The following LRRC72 variants were observed in gnomAD, a reference collection of about 807,000 sequenced individuals.
LRRC72 encodes leucine-rich repeat-containing protein 72.
A neutral mutation model predicts 35.8 loss-of-function variants in LRRC72; 41 were observed. The ratio of observed to expected loss-of-function variants is 1.15; its 90% CI spans 0.89 to 1.49. The LOEUF is 1.49. Ranked by LOEUF, LRRC72 falls within the 40% of genes most tolerant of loss-of-function variation. The pLI, the probability that LRRC72 is intolerant of heterozygous loss-of-function variation, is 0.00. For synonymous variants in LRRC72, 118 were observed against 119.2 expected (o/e 0.99, Z 0.07); for missense variants, 389 against 330.7 (o/e 1.18, Z -1.37).
At chr7:16,577,286 CAT>C (rs1422797977) in intron 7 of LRRC72, among the ~76,000 whole-genome samples, 4 of 152,148 alleles carry the variant, frequency 2.6e-5, no homozygotes, top group South Asian at 2.1e-4. Context: ...GCACAGAAAA[CAT>C]TTACTGAGGC....
chr7:16,529,042 T>C (rs1229941673), intron 1 of LRRC72, among the ~76,000 whole-genome samples: 1 of 152,208 alleles, frequency 6.6e-6, no homozygotes, highest in Non-Finnish European at 1.5e-5. Flanking sequence ...ATATATCATA[T>C]AAAATTAAAT....
intron 5 of LRRC72, among the ~76,000 whole-genome samples, chr7:16,565,369 G>T (rs1782811073): frequency 6.6e-6 from 1 of 150,966 alleles, no homozygotes; most frequent in Admixed American, 6.6e-5. Flanking sequence ...GGAGGCAGAG[G>T]TTGCAGTGAG....
chr7:16,548,619 C>T (rs1300446596), intron 3 of LRRC72, among the ~76,000 whole-genome samples: 2 of 152,244 alleles, frequency 1.3e-5, no homozygotes, highest in Non-Finnish European at 2.9e-5. Context: ...AACTGCCTGT[C>T]CTGCCACAGC....
At chr7:16,580,446 C>A (rs910060584) in intron 8 of LRRC72, among the ~76,000 whole-genome samples, 7 of 152,126 alleles carry the variant, frequency 4.6e-5, no homozygotes, top group African/African-American at 1.7e-4. Context: ...AGTTCGAGAC[C>A]AGCCTGGCAA....
At chr7:16,548,982 T>C (rs1231493166) in intron 3 of LRRC72, among the ~76,000 whole-genome samples, 1 of 152,244 alleles carries the variant, frequency 6.6e-6, no homozygotes, top group African/African-American at 2.4e-5. Flanking sequence ...ATTTTCTTCA[T>C]GGCTGTTCCC....
At chr7:16,547,713 C>T (rs1782472819) in intron 3 of LRRC72, among the ~76,000 whole-genome samples, 2 of 152,352 alleles carry the variant, frequency 1.3e-5, no homozygotes, top group Middle Eastern at 6.8e-3. Flanking sequence ...GGTATGCCAG[C>T]CCCCTGCCAC....
intron 5 of LRRC72, among the ~76,000 whole-genome samples, chr7:16,559,455 C>T (rs111937711): frequency 1.3e-5 from 2 of 151,612 alleles, no homozygotes; most frequent in African/African-American, 2.4e-5. Context: ...TTTTAAGATA[C>T]GCTTTTGAAA....
chr7:16,567,414 T>C lies in LRRC72; in HGVS notation c.541T>C (p.Ser181Pro), dbSNP rs367545857. Reference protein sequence around the residue: ...RNQVTEKERRSMITIFNHKKA... With the variant: ...RNQVTEKERRPMITIFNHKKA... ...AGAAGTTACAGAAAAAGAAAGAAGA[T>C]CAATGATTACCATTTTTAACCATAA... Residue 181 changes from serine (S) to proline (P), a missense_variant, in exon 7 of 9, where the codon TCA becomes CCA. Transcript: ENST00000401542. The C allele has an allele frequency of 1.3e-6, 2 of 1,501,988 alleles. No homozygotes were observed. 93.0% of individuals were successfully genotyped at this position (1,501,988 alleles called of 1,614,324 possible).
At chr7:16,568,660 G>T (rs1285077324) in intron 7 of LRRC72, among the ~76,000 whole-genome samples, 1 of 152,082 alleles carries the variant, frequency 6.6e-6, no homozygotes, top group Non-Finnish European at 1.5e-5. Context: ...AATTGGCAAA[G>T]AATTCTTAGA....
At chr7:16,577,080 A>G (rs542722000) in intron 7 of LRRC72, among the ~76,000 whole-genome samples, 1 of 152,322 alleles carries the variant, frequency 6.6e-6, no homozygotes, top group Admixed American at 6.5e-5. Flanking sequence ...ATGACATATC[A>G]GGCACACCCA....
chr7:16,564,969 T>A (rs879265327), intron 5 of LRRC72, among the ~76,000 whole-genome samples: 14 of 152,240 alleles, frequency 9.2e-5, no homozygotes, highest in Non-Finnish European at 1.8e-4. Flanking sequence ...ATTTTATGAA[T>A]AGTCTACAAC....
chr7:16,540,816 A>T (rs747557914), intron 3 of LRRC72, among the ~76,000 whole-genome samples: 3 of 152,174 alleles, frequency 2.0e-5, no homozygotes, highest in Non-Finnish European at 4.4e-5. Flanking sequence ...CCATGACTGT[A>T]AGCTTCCTGA....
intron 5 of LRRC72, among the ~76,000 whole-genome samples, chr7:16,560,460 G>C (rs1236153690): frequency 6.6e-6 from 1 of 152,066 alleles, no homozygotes; most frequent in Non-Finnish European, 1.5e-5. Flanking sequence ...GCTTATTTTG[G>C]AGACGTGAGA....
intron 3 of LRRC72, among the ~76,000 whole-genome samples, chr7:16,545,994 T>C (rs1299567468): frequency 6.6e-6 from 1 of 152,188 alleles, no homozygotes; most frequent in Non-Finnish European, 1.5e-5. Flanking sequence ...GTAAGTACCG[T>C]ATATTATATT....
At chr7:16,548,396 G>A (rs1782487994) in intron 3 of LRRC72, among the ~76,000 whole-genome samples, 1 of 152,206 alleles carries the variant, frequency 6.6e-6, no homozygotes, top group Non-Finnish European at 1.5e-5. Flanking sequence ...GGGGAGAAGA[G>A]AGGAGAGAAG....
At chr7:16,528,994 A>C (rs774026581) in intron 1 of LRRC72, among the ~76,000 whole-genome samples, 1 of 152,194 alleles carries the variant, frequency 6.6e-6, no homozygotes, top group Non-Finnish European at 1.5e-5. Context: ...AGTTACTTAG[A>C]ATATATATTT....
chr7:16,564,027 C>T (rs1782785834), intron 5 of LRRC72, among the ~76,000 whole-genome samples: 1 of 152,038 alleles, frequency 6.6e-6, no homozygotes, highest in Non-Finnish European at 1.5e-5. Flanking sequence ...CAAGGATTAG[C>T]AGAAAAACCC....
rs373691603 is a variant in LRRC72, at chr7:16,573,824, G to A, written c.671-6250G>A. The stretch of plus-strand genomic sequence containing the variant: ...AAATGGGATCTAATTAAACTAAAGA[G>A]CTTCTGCACAGCAAAAGAAACTGTC... On this transcript the variant is annotated intron_variant, in intron 7 of 8. Coordinates refer to ENST00000401542, the MANE Select transcript of LRRC72 (RefSeq NM_001195280.2). 5.9e-5 allele frequency among the ~76,000 whole-genome samples: 9 copies of A among 152,284 alleles called. No homozygotes were observed. In the East Asian group the frequency reaches 1.7e-3, roughly 29 times the overall value.
At chr7:16,547,680 G>A in intron 3 of LRRC72, among the ~76,000 whole-genome samples, 1 of 152,222 alleles carries the variant, frequency 6.6e-6, no homozygotes, top group South Asian at 2.1e-4. Context: ...CTGGCTGGGG[G>A]TACACACACT....
Sources: allele counts gnomAD v4.1 joint callset (sites outside exome capture counted in the v4.1 genomes callset), GRCh38; gene constraint gnomAD v4.1.1; transcripts MANE v1.5; gene names NCBI Gene and HGNC (gene_info 2026-07-23, HGNC 2026-07-21).